The following CFAP107 variants were observed in gnomAD, a reference collection of about 807,000 sequenced individuals.
The protein encoded by CFAP107 is cilia- and flagella-associated protein 107.
chr1:12,750,839 C>G, the CFAP107 span, among the ~76,000 whole-genome samples: 10 of 151,670 alleles, frequency 6.6e-5, no homozygotes, highest in African/African-American at 2.4e-4. Context: ...AGGCAGAATA[C>G]GTGTGTTTTT....
chr1:12,757,549 A>AT, the CFAP107 span, among the ~76,000 whole-genome samples: 18 of 151,308 alleles, frequency 1.2e-4, no homozygotes, highest in Admixed American at 2.0e-4. Flanking sequence ...CAGCTGGCTA[A>AT]TTTTTTTTGT....
the CFAP107 span, among the ~76,000 whole-genome samples, chr1:12,760,125 A>T: frequency 6.6e-6 from 1 of 152,118 alleles, no homozygotes; most frequent in African/African-American, 2.4e-5. Flanking sequence ...GACATTCCAG[A>T]GGAAGGAACA....
the CFAP107 span, among the ~76,000 whole-genome samples, chr1:12,758,237 T>C: frequency 6.6e-6 from 1 of 152,192 alleles, no homozygotes; most frequent in Non-Finnish European, 1.5e-5. Context: ...GGTAGCTGTC[T>C]CTGTGGCTGT....
the CFAP107 span, chr1:12,746,399 C>T: frequency 1.9e-6 from 3 of 1,566,046 alleles, no homozygotes; most frequent in South Asian, 2.2e-5. Flanking sequence ...TAAACTGCAT[C>T]AAGTCAAAGA....
At chr1:12,760,965 A>T in the CFAP107 span, 13 of 1,602,108 alleles carry the variant, frequency 8.1e-6, no homozygotes, top group South Asian at 1.5e-4. Flanking sequence ...CTGCCACCCC[A>T]GGAGCAGCTC....
the CFAP107 span, chr1:12,761,002 A>C: frequency 2.0e-6 from 3 of 1,503,682 alleles, no homozygotes; most frequent in South Asian, 3.9e-5. Flanking sequence ...AGACCACAGC[A>C]TCACTGGACT....
the CFAP107 span, among the ~76,000 whole-genome samples, chr1:12,758,947 G>A: frequency 1.1e-4 from 17 of 152,282 alleles, no homozygotes; most frequent in African/African-American, 3.9e-4. Flanking sequence ...GGATTCATGA[G>A]ACTTGAGACA....
At chr1:12,750,835 A>T in the CFAP107 span, among the ~76,000 whole-genome samples, 1 of 152,166 alleles carries the variant, frequency 6.6e-6, no homozygotes, top group Admixed American at 6.5e-5. Flanking sequence ...ACAAAGGCAG[A>T]ATACGTGTGT....
chr1:12,759,667 C>G, the CFAP107 span: 2 of 727,744 alleles, frequency 2.7e-6, no homozygotes, highest in Admixed American at 4.2e-5. Context: ...TGTCCTTTCC[C>G]TTTGACCTGG....
At chr1:12,746,556 G>C in the CFAP107 span, 3 of 1,583,520 alleles carry the variant, frequency 1.9e-6, no homozygotes, top group Non-Finnish European at 2.6e-6. Context: ...GGAAACGAGA[G>C]AGGTTGGAGA....
At chr1:12,759,491 C>G in the CFAP107 span, 1 of 1,614,108 alleles carries the variant, frequency 6.2e-7, no homozygotes, top group South Asian at 1.1e-5. Context: ...CTTCTTGGTA[C>G]CTTTATAATT....
the CFAP107 span, chr1:12,761,311 A>C: frequency 5.7e-6 from 1 of 174,622 alleles, no homozygotes; most frequent in Non-Finnish European, 1.2e-5. Context: ...GTCTACTCCC[A>C]TGGAGGAAAT....
the CFAP107 span, chr1:12,753,313 T>A: frequency 6.6e-6 from 1 of 151,130 alleles, no homozygotes; most frequent in Non-Finnish European, 1.5e-5. Flanking sequence ...ACAGATTCAA[T>A]GCAATCATTA....
chr1:12,752,861 C>A, the CFAP107 span, among the ~76,000 whole-genome samples: 1 of 151,748 alleles, frequency 6.6e-6, no homozygotes, highest in Admixed American at 6.6e-5. Context: ...GAAGTTCTAG[C>A]CAGAAAAATT....
At chr1:12,759,666 C>T in the CFAP107 span, 5 of 729,208 alleles carry the variant, frequency 6.9e-6, no homozygotes, top group South Asian at 4.7e-5. Context: ...CTGTCCTTTC[C>T]CTTTGACCTG....
chr1:12,750,218 A>T, the CFAP107 span, among the ~76,000 whole-genome samples: 3 of 152,234 alleles, frequency 2.0e-5, no homozygotes, highest in Admixed American at 1.3e-4. Context: ...ACCCACAAAG[A>T]AAATGCCTAT....
chr1:12,757,851 A>G, the CFAP107 span, among the ~76,000 whole-genome samples: 1 of 151,368 alleles, frequency 6.6e-6, no homozygotes, highest in South Asian at 2.1e-4. Flanking sequence ...TCCCACTCCC[A>G]CTTTGCTCTT....
the CFAP107 span, chr1:12,746,688 A>G: frequency 1.6e-6 from 1 of 617,468 alleles, no homozygotes; most frequent in Non-Finnish European, 3.0e-6. Flanking sequence ...TCTACAAAGG[A>G]TAGTTACATT....
the CFAP107 span, among the ~76,000 whole-genome samples, chr1:12,754,207 A>T: frequency 6.6e-6 from 1 of 152,260 alleles, no homozygotes; most frequent in African/African-American, 2.4e-5. Flanking sequence ...TGATTAAAAA[A>T]TGACAAAGGA....
Sources: allele counts gnomAD v4.1 joint callset (sites outside exome capture counted in the v4.1 genomes callset), GRCh38; gene constraint gnomAD v4.1.1; transcripts MANE v1.5; gene names NCBI Gene and HGNC (gene_info 2026-07-23, HGNC 2026-07-21).